IL15: variants seen among roughly 807,000 people sequenced by gnomAD.
IL15 encodes the protein interleukin 15.
A neutral mutation model predicts 19.6 loss-of-function variants in IL15; 11 were observed. The observed-to-expected ratio is 0.56, with a 90% confidence interval of 0.35 to 0.93. The LOEUF (loss-of-function observed/expected upper bound fraction) is 0.93. IL15 is among the 40% of genes least tolerant of loss of function. The pLI is 0.01. For synonymous variants in IL15, 58 were observed against 59.6 expected, an observed-to-expected ratio of 0.97 and a Z score of 0.12; for missense variants, 197 against 186.5, an observed-to-expected ratio of 1.06 and a Z score of -0.33.
chr4:141,664,391 A>ACACAC (rs1560907796), intron 2 of IL15, among the ~76,000 whole-genome samples: 1 of 147,534 alleles, frequency 6.8e-6, no homozygotes, highest in African/African-American at 2.5e-5. Context: ...ACACACACAC[A>ACACAC]AAACCAACAA....
At chr4:141,688,454 A>C (rs1204655961) in intron 2 of IL15, among the ~76,000 whole-genome samples, 1 of 152,184 alleles carries the variant, frequency 6.6e-6, no homozygotes, top group African/African-American at 2.4e-5. Context: ...AAAATCTTAC[A>C]TTCAAGAAAG....
At chr4:141,690,509 C>T (rs1728875854) in intron 2 of IL15, among the ~76,000 whole-genome samples, 1 of 152,220 alleles carries the variant, frequency 6.6e-6, no homozygotes, top group Non-Finnish European at 1.5e-5. Context: ...AGACAGCCAA[C>T]AAGACCTGAT....
chr4:141,659,702 T>G (rs1727727841), intron 2 of IL15, among the ~76,000 whole-genome samples: 1 of 152,258 alleles, frequency 6.6e-6, no homozygotes, highest in South Asian at 2.1e-4. Flanking sequence ...ATCAATTCTG[T>G]GGCAAATAAG....
At chr4:141,655,536 T>C (rs1399355495) in intron 1 of IL15, among the ~76,000 whole-genome samples, 1 of 152,148 alleles carries the variant, frequency 6.6e-6, no homozygotes, top group Non-Finnish European at 1.5e-5. Context: ...GTTTCTTAAT[T>C]TATTTTATAA....
chr4:141,644,454 T>A (rs1354892155), intron 1 of IL15, among the ~76,000 whole-genome samples: 1 of 152,206 alleles, frequency 6.6e-6, no homozygotes, highest in African/African-American at 2.4e-5. Context: ...GAACATCAGC[T>A]TGGATAGCTG....
chr4:141,717,910 C>T (rs1729942047), intron 2 of IL15: 1 of 152,250 alleles, frequency 6.6e-6, no homozygotes, highest in Non-Finnish European at 1.5e-5. Flanking sequence ...ATCCTCCTGC[C>T]TCGGCCTCCC....
intron 2 of IL15, among the ~76,000 whole-genome samples, chr4:141,714,071 C>A (rs1729793447): frequency 6.6e-6 from 1 of 151,960 alleles, no homozygotes. Context: ...TTTGTGTGTC[C>A]TCTTCCCTCT....
rs748324932 is a variant in IL15, at chr4:141,719,489, A to G, written c.12+13A>G. On this transcript the variant is annotated intron_variant, in intron 3 of 7. Transcript: ENST00000320650. ...AATGAGAATTTCGGTAAGAAAAAAA[A>G]TAGATGAAAATATCCTATGGAATTT... The G allele has an allele frequency of 1.9e-5, 24 of 1,236,372 alleles. No individual in the cohort carries two copies. The highest frequency in any genetic ancestry group is 1.2e-6 in the Non-Finnish European group (1 of 841,298). The allele number at this position is 1,236,372 out of a possible 1,614,324, so 76.6% of individuals were successfully genotyped here.
intron 4 of IL15, chr4:141,721,207 T>C: frequency 1.2e-6 from 1 of 840,354 alleles, no homozygotes; most frequent in Non-Finnish European, 2.0e-6. Context: ...CAGATTAGTG[T>C]TGACTATCAT....
intron 1 of IL15, among the ~76,000 whole-genome samples, chr4:141,642,534 A>G (rs1384084973): frequency 6.6e-6 from 1 of 152,168 alleles, no homozygotes; most frequent in Non-Finnish European, 1.5e-5. Flanking sequence ...GGGAGCAGTA[A>G]AGAGCCTGGG....
intron 5 of IL15, among the ~76,000 whole-genome samples, chr4:141,725,575 T>G (rs1294501947): frequency 6.6e-6 from 1 of 152,164 alleles, no homozygotes; most frequent in Non-Finnish European, 1.5e-5. Flanking sequence ...TCTGTGGTAC[T>G]TTTTATAGCA....
At chr4:141,651,536 G>A (rs1402604803) in intron 1 of IL15, among the ~76,000 whole-genome samples, 3 of 152,042 alleles carry the variant, frequency 2.0e-5, no homozygotes, top group Non-Finnish European at 4.4e-5. Context: ...CCTCTATGCA[G>A]TATAGCCATG....
chr4:141,731,454 C>T (rs996487657), intron 7 of IL15, among the ~76,000 whole-genome samples: 1 of 152,160 alleles, frequency 6.6e-6, no homozygotes, highest in African/African-American at 2.4e-5. Flanking sequence ...TTATAATACT[C>T]TTATGATGTT....
intron 2 of IL15, among the ~76,000 whole-genome samples, chr4:141,663,836 TGGGGAAGAATGAGGCTA>T (rs1464052458): frequency 6.6e-6 from 1 of 152,114 alleles, no homozygotes; most frequent in Non-Finnish European, 1.5e-5. Context: ...CAGCTCTCCT[TGGGGAAGAATGAGGCTA>T]GGGGAAGAAT....
At chr4:141,686,857 A>C (rs1728729636) in intron 2 of IL15, among the ~76,000 whole-genome samples, 1 of 152,168 alleles carries the variant, frequency 6.6e-6, no homozygotes, top group African/African-American at 2.4e-5. Flanking sequence ...TCATTATAAT[A>C]CTTTATTTTC....
At chr4:141,650,664 G>A (rs1727374135) in intron 1 of IL15, among the ~76,000 whole-genome samples, 1 of 151,914 alleles carries the variant, frequency 6.6e-6, no homozygotes, top group African/African-American at 2.4e-5. Context: ...AAGATAATTA[G>A]ACCAGAGAAA....
At chr4:141,722,296 G>T (rs1483517172) in intron 5 of IL15, among the ~76,000 whole-genome samples, 1 of 152,084 alleles carries the variant, frequency 6.6e-6, no homozygotes, top group Non-Finnish European at 1.5e-5. Flanking sequence ...GCACCTGCAG[G>T]GAGAATGGCT....
At chr4:141,702,730 A>G (rs983998965) in intron 2 of IL15, among the ~76,000 whole-genome samples, 2 of 152,262 alleles carry the variant, frequency 1.3e-5, no homozygotes, top group African/African-American at 2.4e-5. Flanking sequence ...CATCAGCTGC[A>G]GTAGCAGCAG....
intron 2 of IL15, among the ~76,000 whole-genome samples, chr4:141,690,014 G>T (rs1728854849): frequency 6.6e-6 from 1 of 152,228 alleles, no homozygotes; most frequent in African/African-American, 2.4e-5. Context: ...CAGGAAGGCA[G>T]CTAAGGCCCG....
Sources: gnomAD v4.1 joint callset for allele counts (sites outside exome capture counted in the v4.1 genomes callset) on GRCh38, gnomAD v4.1.1 for gene constraint, MANE v1.5 for transcripts, NCBI Gene and HGNC (gene_info 2026-07-23, HGNC 2026-07-21) for gene names.